Variants in TSPAN9 observed in about 807,000 individuals in gnomAD.
TSPAN9 encodes tetraspanin-9.
Under a neutral mutation model 31.0 loss-of-function variants are expected in TSPAN9, and 16 were observed. The observed-to-expected ratio is 0.52, with a 90% CI of 0.35 to 0.78. The LOEUF (loss-of-function observed/expected upper bound fraction) is 0.78. TSPAN9 is among the 30% of genes least tolerant of loss of function. The probability of loss-of-function intolerance (pLI) is 0.01; values close to 1 mark genes in which losing one functional copy is unlikely to be tolerated. For missense variants in TSPAN9, 272 were observed against 312.5 expected (o/e 0.87, Z 0.98); for synonymous variants, 145 against 121.6 (o/e 1.19, Z -1.27).
At position 3,130,066 on chromosome 12, in the gene TSPAN9, G is replaced by A. The variant is rs187991234; in HGVS notation, c.-18+46347G>A. Among the ~76,000 whole-genome samples, 6 of 152,344 alleles carry A rather than the reference G, an allele frequency of 3.9e-5. No homozygotes were observed. In the East Asian group the frequency reaches 1.2e-3, roughly 29 times the overall value. On this transcript the variant is annotated intron_variant, in intron 2 of 8. Coordinates refer to ENST00000011898, the MANE Select transcript of TSPAN9 (RefSeq NM_006675.5). ...TGGCAACTTGGGAAGGTCTCTGGGC[G>A]GCTGTACCGCCTCTTTGGCCCTCTC...
At chr12:3,243,055 T>C (rs1238392304) in intron 3 of TSPAN9, among the ~76,000 whole-genome samples, 1 of 152,124 alleles carries the variant, frequency 6.6e-6, no homozygotes, top group Non-Finnish European at 1.5e-5. Flanking sequence ...GGATGGTACA[T>C]TTGGAGGGAT....
chr12:3,201,821 C>T (rs992829360), intron 3 of TSPAN9, among the ~76,000 whole-genome samples: 4 of 152,206 alleles, frequency 2.6e-5, no homozygotes, highest in African/African-American at 9.6e-5. Context: ...GATGGACCTG[C>T]TTGCTAGTCC....
chr12:3,243,935 G>A (rs1468194447), intron 3 of TSPAN9, among the ~76,000 whole-genome samples: 2 of 152,194 alleles, frequency 1.3e-5, no homozygotes, highest in South Asian at 2.1e-4. Context: ...ATGCCCTTTA[G>A]TTCTGCATTC....
At chr12:3,245,866 C>T (rs1391477423) in intron 3 of TSPAN9, among the ~76,000 whole-genome samples, 1 of 151,974 alleles carries the variant, frequency 6.6e-6, no homozygotes, top group Non-Finnish European at 1.5e-5. Flanking sequence ...TTCTCCTGCC[C>T]AGCCCGCCTT....
chr12:3,105,860 A>T (rs982404144), intron 2 of TSPAN9, among the ~76,000 whole-genome samples: 22 of 140,512 alleles, frequency 1.6e-4, no homozygotes, highest in African/African-American at 6.7e-4. Context: ...ACACGTTCAC[A>T]CACACACGCT....
rs568903131 is a variant in TSPAN9, at chr12:3,192,855, A to G, written c.-17-8322A>G. On this transcript the variant is annotated intron_variant, in intron 2 of 8. Transcript: ENST00000011898. The surrounding 1 kb of genome is among the most constrained non-coding windows in gnomAD (Gnocchi z 4.6). ...GAATTTCAGCCACACAACATTAGCT[A>G]TTGATGATGTTTCTTTCTCTGTTCA... Among the ~76,000 whole-genome samples, 49 of 152,250 alleles carry G rather than the reference A, an allele frequency of 3.2e-4. No homozygotes were observed. The South Asian group carries it at 5.2e-3, about 16-fold the overall frequency.
intron 2 of TSPAN9, among the ~76,000 whole-genome samples, chr12:3,181,064 T>A (rs1202394167): frequency 8.0e-6 from 1 of 124,678 alleles, no homozygotes. Context: ...AGTGGAAAGA[T>A]GGGTGGGGGG....
rs116004592 is a variant in TSPAN9 at position 3,273,666 on chromosome 12, G to T, written c.64-4755G>T. Among the ~76,000 whole-genome samples the T allele has an allele frequency of 3.2e-3, 482 of 152,260 alleles. 1 individual carries two copies. Among genetic ancestry groups the T allele is most frequent in the African/African-American group, 0.011 (452 of 41,552 alleles). ...GCCTCCTTCCTGTGCTATGTGCTGG[G>T]CTCCCTCCACCAGAGGCGGCTCCCC... On this transcript the variant is annotated intron_variant, in intron 3 of 8. Coordinates refer to ENST00000011898, the MANE Select transcript of TSPAN9 (RefSeq NM_006675.5).
rs564802794 is a variant in TSPAN9 at position 3,107,593 on chromosome 12, C to A, written c.-18+23874C>A. On this transcript the variant is annotated intron_variant, in intron 2 of 8. Transcript: ENST00000011898. This position sits in a 1 kb window ranked among gnomAD's most constrained non-coding sequence, Gnocchi z 4.1. ...TGCCTCTTGTTAGGTCTGGCTTTCC[C>A]TTTCTGTTTGGGGCACTGGCTTCGT... 6.6e-6 allele frequency among the ~76,000 whole-genome samples: 1 copy of A among 152,274 alleles called. No individual in the cohort carries two copies. Among genetic ancestry groups the A allele is most frequent in the South Asian group, 2.1e-4 (1 of 4,824 alleles).
intron 3 of TSPAN9, among the ~76,000 whole-genome samples, chr12:3,273,402 A>G (rs1035307113): frequency 6.6e-6 from 1 of 152,086 alleles, no homozygotes; most frequent in East Asian, 1.9e-4. Flanking sequence ...GAGGGCATCA[A>G]TCAGGCCTGG....
chr12:3,121,989 T>G (rs772968130), intron 2 of TSPAN9, among the ~76,000 whole-genome samples: 3 of 152,180 alleles, frequency 2.0e-5, no homozygotes, highest in Non-Finnish European at 4.4e-5. Context: ...CTGTGAACCA[T>G]CCTGCTGTTT....
Position 3,219,922 on chromosome 12 carries a change from C to T in TSPAN9, c.63+18666C>T, listed in dbSNP as rs1011509704. On this transcript the variant is annotated intron_variant, in intron 3 of 8. Coordinates refer to ENST00000011898, the MANE Select transcript of TSPAN9 (RefSeq NM_006675.5). The stretch of plus-strand genomic sequence containing the variant: ...GTAATCCCAGCACTTTGGAAGGCTG[C>T]GGCGGGCGGATCACCTGAGGTCAGG... Among the ~76,000 whole-genome samples, 12 of 150,748 alleles carry T rather than the reference C, an allele frequency of 8.0e-5. 1 individual carries two copies. The highest frequency in any genetic ancestry group is 2.0e-4 in the Admixed American group (3 of 15,172).
chr12:3,093,135 C>T (rs1341587898), intron 2 of TSPAN9, among the ~76,000 whole-genome samples: 5 of 152,218 alleles, frequency 3.3e-5, no homozygotes, highest in South Asian at 2.1e-4. Context: ...GATGCTGACA[C>T]GAATTGTGGG....
At chr12:3,151,648 G>A (rs2098339787) in intron 2 of TSPAN9, among the ~76,000 whole-genome samples, 1 of 152,148 alleles carries the variant, frequency 6.6e-6, no homozygotes, top group South Asian at 2.1e-4. Flanking sequence ...GGGACATGGC[G>A]CCCATTTCCA....
In TSPAN9 at chr12:3,137,697, G is replaced by T. The variant is rs543789726; in HGVS notation, c.-18+53978G>T. 2.6e-5 allele frequency among the ~76,000 whole-genome samples: 4 copies of T among 152,282 alleles called. No homozygotes were observed. The East Asian group carries it at 5.8e-4, about 22-fold the overall frequency. ...CTGTTGTGCTCCTGGCAGTAGGTTTGCTGAGAGGGAAGGGGGATTCCTTTC... is the reference window on the plus strand; with the variant it reads ...CTGTTGTGCTCCTGGCAGTAGGTTTTCTGAGAGGGAAGGGGGATTCCTTTC... On this transcript the variant is annotated intron_variant, in intron 2 of 8. Coordinates refer to ENST00000011898, the MANE Select transcript of TSPAN9 (RefSeq NM_006675.5).
intron 2 of TSPAN9, among the ~76,000 whole-genome samples, chr12:3,123,482 G>A (rs988811511): frequency 1.9e-4 from 29 of 152,168 alleles, no homozygotes; most frequent in Non-Finnish European, 3.7e-4. Flanking sequence ...AGTGGGTTTG[G>A]CACAGTCCCC....
intron 2 of TSPAN9, among the ~76,000 whole-genome samples, chr12:3,182,509 C>G (rs1437311103): frequency 6.6e-6 from 1 of 151,664 alleles, no homozygotes; most frequent in Non-Finnish European, 1.5e-5. Flanking sequence ...GTTGGCCGGG[C>G]TGCAGTTCAT....
chr12:3,130,235 T>G (rs980303887), intron 2 of TSPAN9, among the ~76,000 whole-genome samples: 6 of 152,230 alleles, frequency 3.9e-5, no homozygotes, highest in Non-Finnish European at 7.3e-5. Context: ...GGCTGGGCAT[T>G]TGGCAGCCGC....
In TSPAN9 at chr12:3,096,531, T is replaced by TTGAATGAA. The variant is rs34418176; in HGVS notation, c.-18+12826_-18+12833dup. ...CACCTGGTGGACACAGAAATATTTT[T>TTGAATGAA]TGAATGAATGAATGAATGAATATTG... On this transcript the variant is annotated intron_variant, in intron 2 of 8. Coordinates refer to ENST00000011898, the MANE Select transcript of TSPAN9 (RefSeq NM_006675.5). Among the ~76,000 whole-genome samples the TTGAATGAA allele has an allele frequency of 7.2e-3, 1,092 of 151,796 alleles. 11 individuals are homozygous for TTGAATGAA. Among genetic ancestry groups the TTGAATGAA allele is most frequent in the African/African-American group, 0.025 (1,019 of 41,454 alleles).
Sources: allele counts gnomAD v4.1 joint callset (sites outside exome capture counted in the v4.1 genomes callset), GRCh38; gene constraint gnomAD v4.1.1; non-coding constraint Gnocchi (gnomAD v3.1); transcripts MANE v1.5; gene names NCBI Gene and HGNC (gene_info 2026-07-23, HGNC 2026-07-21).